KIF18A: variants seen among roughly 807,000 people sequenced by gnomAD.
KIF18A encodes kinesin-like protein KIF18A.
Under a neutral mutation model 103.3 loss-of-function variants are expected in KIF18A, and 67 were observed. That is an observed-to-expected ratio of 0.65 (90% CI 0.53 to 0.79). The LOEUF (loss-of-function observed/expected upper bound fraction) is 0.79, where lower values mean the gene tolerates loss of function less well. Among genes scored for constraint, KIF18A ranks in the 30% least tolerant of loss-of-function variants. KIF18A has a pLI of 0.00. For missense variants in KIF18A, 1,032 were observed against 1,062.5 expected, an observed-to-expected ratio of 0.97 and a Z score of 0.40; for synonymous variants, 367 against 355.5, an observed-to-expected ratio of 1.03 and a Z score of -0.36.
chr11:28,100,246 C>A (rs1851428148), intron 1 of KIF18A, among the ~76,000 whole-genome samples: 1 of 151,664 alleles, frequency 6.6e-6, no homozygotes, highest in South Asian at 2.1e-4. Context: ...TGACAGACAT[C>A]CAGGTGGAAA....
chr11:28,041,403 C>G (rs1850558152), intron 13 of KIF18A, among the ~76,000 whole-genome samples: 1 of 151,578 alleles, frequency 6.6e-6, no homozygotes, highest in South Asian at 2.1e-4. Context: ...GAAAAAATAG[C>G]ATGTGCAGAG....
intron 15 of KIF18A, among the ~76,000 whole-genome samples, chr11:28,031,373 T>C (rs1229076555): frequency 1.3e-5 from 2 of 152,110 alleles, no homozygotes; most frequent in African/African-American, 2.4e-5. Context: ...TGAGTTCATG[T>C]CCTTTGTAGG....
chr11:28,053,604 T>G (rs1420647549), intron 13 of KIF18A, among the ~76,000 whole-genome samples: 3 of 152,114 alleles, frequency 2.0e-5, no homozygotes, highest in Non-Finnish European at 2.9e-5. Flanking sequence ...GCTGCACCCA[T>G]TAACTTGTCA....
At chr11:28,054,547 T>TA (rs1850754032) in intron 13 of KIF18A, among the ~76,000 whole-genome samples, 1 of 152,152 alleles carries the variant, frequency 6.6e-6, no homozygotes, top group African/African-American at 2.4e-5. Context: ...TGTATTTAAG[T>TA]AAAAAGAATA....
intron 13 of KIF18A, among the ~76,000 whole-genome samples, chr11:28,038,511 G>A (rs1590667995): frequency 6.6e-6 from 1 of 151,696 alleles, no homozygotes; most frequent in East Asian, 1.9e-4. Context: ...ATTCCCAGTT[G>A]ATATTTACTT....
intron 13 of KIF18A, among the ~76,000 whole-genome samples, chr11:28,050,804 A>G (rs1306625608): frequency 6.6e-6 from 1 of 151,878 alleles, no homozygotes; most frequent in African/African-American, 2.4e-5. Flanking sequence ...CAAAATAGGT[A>G]CATATTTTAC....
At chr11:28,082,759 C>T in intron 9 of KIF18A, 97 bp downstream of exon 9, 1 of 679,074 alleles carries the variant, frequency 1.5e-6, no homozygotes, top group Non-Finnish European at 2.5e-6. Flanking sequence ...TATCTATGTA[C>T]ATATAAAAGA....
At chr11:28,042,958 T>C (rs1209293381) in intron 13 of KIF18A, among the ~76,000 whole-genome samples, 1 of 151,844 alleles carries the variant, frequency 6.6e-6, no homozygotes, top group African/African-American at 2.4e-5. Context: ...CTCCCTATCC[T>C]TTACCCTTCA....
chr11:28,058,837 TATTAAA>T (rs1850819697), intron 13 of KIF18A, 83 bp downstream of exon 13: 1 of 940,640 alleles, frequency 1.1e-6, no homozygotes, highest in African/African-American at 1.7e-5. Context: ...TAGACAAACC[TATTAAA>T]ATTAACTGTT....
rs1267765950 is a variant in KIF18A at position 28,038,749 on chromosome 11, C to G, written c.1949-2085G>C. Among the ~76,000 whole-genome samples the G allele has an allele frequency of 3.3e-5, 5 of 151,664 alleles. No individual in the cohort carries two copies. In the Admixed American group the frequency reaches 3.3e-4, roughly 10 times the overall value. On this transcript the variant is annotated intron_variant, in intron 13 of 16. Transcript: ENST00000263181. ...CAAAAACAGAAGAAAAATATGATCC[C>G]TGTTCTACTGAGGAATTTTACTTTT...
At chr11:28,055,632 T>C (rs942060761) in intron 13 of KIF18A, among the ~76,000 whole-genome samples, 4 of 152,164 alleles carry the variant, frequency 2.6e-5, no homozygotes, top group African/African-American at 7.2e-5. Flanking sequence ...TACAGTTTAG[T>C]ATCAAATTAC....
chr11:28,049,676 CTG>C (rs915262866), intron 13 of KIF18A, among the ~76,000 whole-genome samples: 129 of 152,024 alleles, frequency 8.5e-4, no homozygotes, highest in African/African-American at 2.9e-3. Context: ...TTCTGGGAAA[CTG>C]TGCTAAATCA....
At position 28,097,860 on chromosome 11, in the gene KIF18A, A is replaced by C; in HGVS notation, c.88T>G (p.Phe30Val). Residue 30 changes from phenylalanine (F) to valine (V), a missense_variant, in exon 2 of 17, where the codon TTT (phenylalanine) becomes GTT (valine). Transcript: ENST00000263181. ...TCCACAACATGAACCACTTTATGAA[A>C]TCCAGCTGCTTTTTCTTTAGTGTTT... ...PENTKEKAAG[F>V]HKVVHVVDKH... 1.9e-6 allele frequency: 3 copies of C among 1,611,962 alleles called. No individual in the cohort carries two copies. The highest frequency in any genetic ancestry group is 2.5e-6 in the Non-Finnish European group (3 of 1,179,290).
At chr11:28,064,090 T>C (rs1850887762) in intron 11 of KIF18A, among the ~76,000 whole-genome samples, 1 of 151,234 alleles carries the variant, frequency 6.6e-6, no homozygotes, top group African/African-American at 2.4e-5. Flanking sequence ...AGTTAGGATA[T>C]ATTAAATTTA....
intron 13 of KIF18A, among the ~76,000 whole-genome samples, chr11:28,043,722 C>T (rs966958428): frequency 6.6e-6 from 1 of 151,690 alleles, no homozygotes; most frequent in Non-Finnish European, 1.5e-5. Context: ...AATCAAAGCG[C>T]ACAAACCTCC....
chr11:28,093,546 G>A (rs531905097), intron 3 of KIF18A, among the ~76,000 whole-genome samples: 1 of 152,232 alleles, frequency 6.6e-6, no homozygotes, highest in East Asian at 1.9e-4. Context: ...ACTATTAAGA[G>A]GGTAGAAGGC....
At chr11:28,087,818 T>A (rs1290436924) in intron 6 of KIF18A, among the ~76,000 whole-genome samples, 2 of 152,200 alleles carry the variant, frequency 1.3e-5, no homozygotes, top group African/African-American at 4.8e-5. Context: ...TGGTTTTGAT[T>A]TGCATTTTTC....
intron 15 of KIF18A, among the ~76,000 whole-genome samples, chr11:28,028,001 G>A (rs1377236996): frequency 1.3e-5 from 2 of 151,844 alleles, no homozygotes; most frequent in African/African-American, 4.8e-5. Context: ...ATTCATCATG[G>A]CCAAGTGGGA....
intron 15 of KIF18A, among the ~76,000 whole-genome samples, chr11:28,029,016 C>G (rs1338883171): frequency 1.3e-5 from 2 of 152,090 alleles, no homozygotes; most frequent in East Asian, 3.9e-4. Context: ...ATAATAGGCT[C>G]TGAAATTGAG....
Sources: gnomAD v4.1 joint callset for allele counts (sites outside exome capture counted in the v4.1 genomes callset) on GRCh38, gnomAD v4.1.1 for gene constraint, MANE v1.5 for transcripts, NCBI Gene and HGNC (gene_info 2026-07-23, HGNC 2026-07-21) for gene names.